DKK2: variants seen among roughly 807,000 people sequenced by gnomAD.
DKK2 encodes dickkopf Wnt signaling pathway inhibitor 2, also known as dickkopf-related protein 2.
Under a neutral mutation model 28.1 loss-of-function variants are expected in DKK2, and 11 were observed. That is an observed-to-expected ratio of 0.39 (90% CI 0.25 to 0.65). The LOEUF (loss-of-function observed/expected upper bound fraction) is 0.65, where lower values mean the gene tolerates loss of function less well. Among genes scored for constraint, DKK2 ranks in the 30% least tolerant of loss-of-function variants. DKK2 has a pLI of 0.47. For missense variants in DKK2, 326 were observed against 335.5 expected, an observed-to-expected ratio of 0.97 and a Z score of 0.22; for synonymous variants, 135 against 126.5, an observed-to-expected ratio of 1.07 and a Z score of -0.45.
At chr4:106,960,599 C>T (rs1011693357) in intron 1 of DKK2, among the ~76,000 whole-genome samples, 1 of 152,120 alleles carries the variant, frequency 6.6e-6, no homozygotes, top group Non-Finnish European at 1.5e-5. Context: ...AAAAAGATAT[C>T]CATTTTGTCA....
chr4:106,966,203 G>C lies in DKK2; in HGVS notation c.223-40254C>G, dbSNP rs78904478. 3.4e-3 allele frequency among the ~76,000 whole-genome samples: 517 copies of C among 152,284 alleles called. 1 individual carries two copies. Among genetic ancestry groups the C allele is most frequent in the Non-Finnish European group, 5.4e-3 (366 of 68,032 alleles). On this transcript the variant is annotated intron_variant, in intron 1 of 3. Transcript: ENST00000285311. ...GTAATAAGTCAGTGATAATTAATTT[G>C]TGCTCATGAGGTGTTTGAAATCATA...
intron 1 of DKK2, among the ~76,000 whole-genome samples, chr4:106,973,182 T>C (rs1344106498): frequency 6.6e-6 from 1 of 152,216 alleles, no homozygotes; most frequent in Admixed American, 6.5e-5. Flanking sequence ...CCATTGTGAA[T>C]AGTGCTGCAA....
In DKK2 at chr4:106,952,971, A is replaced by C. The variant is rs145074089; in HGVS notation, c.223-27022T>G. Among the ~76,000 whole-genome samples the C allele has an allele frequency of 2.0e-5, 3 of 152,332 alleles. No individual in the cohort carries two copies. In the East Asian group the frequency reaches 5.8e-4, roughly 29 times the overall value. ...GCTTATCAAAAATAATGCAAAACTT[A>C]AACAAAGTACTTTCAATGTATTTTT... On this transcript the variant is annotated intron_variant, in intron 1 of 3. Coordinates refer to ENST00000285311, the MANE Select transcript of DKK2 (RefSeq NM_014421.3).
chr4:107,016,026 C>T (rs934674836), intron 1 of DKK2, among the ~76,000 whole-genome samples: 2 of 151,702 alleles, frequency 1.3e-5, no homozygotes, highest in Non-Finnish European at 3.0e-5. Flanking sequence ...ATTGTCATAA[C>T]GCCTCTTGTG....
chr4:107,004,372 C>T (rs1723406245), intron 1 of DKK2, among the ~76,000 whole-genome samples: 1 of 152,210 alleles, frequency 6.6e-6, no homozygotes, highest in South Asian at 2.1e-4. Context: ...TATTGACAGA[C>T]CTATGTTAGG....
intron 1 of DKK2, among the ~76,000 whole-genome samples, chr4:106,936,644 A>T (rs1290069245): frequency 2.0e-5 from 3 of 152,230 alleles, no homozygotes; most frequent in African/African-American, 7.2e-5. Flanking sequence ...CGAGAAGAGC[A>T]ACTCCAAGAC....
chr4:106,964,999 A>AGATT (rs1452610839), intron 1 of DKK2, among the ~76,000 whole-genome samples: 6 of 149,820 alleles, frequency 4.0e-5, no homozygotes, highest in Non-Finnish European at 5.9e-5. Context: ...ATAGATAGAT[A>AGATT]GATAGATTGA....
chr4:107,000,568 T>G (rs929392969), intron 1 of DKK2, among the ~76,000 whole-genome samples: 2 of 152,206 alleles, frequency 1.3e-5, no homozygotes, highest in Admixed American at 1.3e-4. Context: ...GTCTGTTATA[T>G]ACTAATCATT....
intron 1 of DKK2, among the ~76,000 whole-genome samples, chr4:106,945,110 C>T (rs139095302): frequency 6.6e-6 from 1 of 152,164 alleles, no homozygotes; most frequent in African/African-American, 2.4e-5. Context: ...GTCTGATACA[C>T]ACTGATCAAA....
intron 1 of DKK2, among the ~76,000 whole-genome samples, chr4:106,962,917 T>A (rs978362442): frequency 6.6e-6 from 1 of 151,016 alleles, no homozygotes; most frequent in African/African-American, 2.4e-5. Flanking sequence ...AGAAAAAAAA[T>A]AAAATAAAAT....
Position 106,940,274 on chromosome 4 carries a change from T to C in DKK2, c.223-14325A>G, listed in dbSNP as rs1244462800. On this transcript the variant is annotated intron_variant, in intron 1 of 3. Coordinates refer to ENST00000285311, the MANE Select transcript of DKK2 (RefSeq NM_014421.3). ...AAACAAATTTACAAGAAAAAACAAA[T>C]AACCCCATCAAAAAGTGGGCAAAGG... 1.8e-4 allele frequency among the ~76,000 whole-genome samples: 27 copies of C among 151,872 alleles called. No individual in the cohort carries two copies. The East Asian group carries it at 4.9e-3, about 27-fold the overall frequency.
chr4:107,023,119 A>G (rs1723720384), intron 1 of DKK2, among the ~76,000 whole-genome samples: 1 of 152,100 alleles, frequency 6.6e-6, no homozygotes, highest in Non-Finnish European at 1.5e-5. Context: ...TTTTGCCACA[A>G]TAGTCTCCCT....
rs1723953769 is a variant in DKK2, at chr4:107,035,651, AG to A, written c.-61del. ...CCCGGAGGGGTGGGAATGCAAAGGG[AG>A]GGAGGACCCCAACACGGGGCCCCTC... On this transcript the variant is annotated 5_prime_UTR_variant, in exon 1 of 4. Coordinates refer to ENST00000285311, the MANE Select transcript of DKK2 (RefSeq NM_014421.3). The A allele has an allele frequency of 3.8e-6, 6 of 1,584,650 alleles. No individual in the cohort carries two copies. The South Asian group carries it at 6.7e-5, about 18-fold the overall frequency.
At chr4:106,997,864 C>CT in intron 1 of DKK2, among the ~76,000 whole-genome samples, 1 of 152,118 alleles carries the variant, frequency 6.6e-6, no homozygotes, top group Non-Finnish European at 1.5e-5. Flanking sequence ...TATTGCCCAC[C>CT]AAATTACAAC....
At chr4:106,944,710 T>C (rs1206689934) in intron 1 of DKK2, among the ~76,000 whole-genome samples, 1 of 152,090 alleles carries the variant, frequency 6.6e-6, no homozygotes, top group Non-Finnish European at 1.5e-5. Flanking sequence ...GGGATGTCAC[T>C]GTGCATTTGA....
At chr4:106,941,383 A>T (rs77528291) in intron 1 of DKK2, among the ~76,000 whole-genome samples, 2,751 of 152,262 alleles carry the variant, frequency 0.018, 40 homozygotes, top group Non-Finnish European at 0.031. Context: ...GTCCATTAGT[A>T]AGAGAAAGAA....
chr4:107,026,528 T>C (rs760227786), intron 1 of DKK2, among the ~76,000 whole-genome samples: 2 of 152,136 alleles, frequency 1.3e-5, no homozygotes, highest in Non-Finnish European at 2.9e-5. Flanking sequence ...AAAATGGAAG[T>C]ATATTTAAAC....
chr4:107,026,720 GA>G (rs1415523120), intron 1 of DKK2, among the ~76,000 whole-genome samples: 1 of 139,532 alleles, frequency 7.2e-6, no homozygotes, highest in Non-Finnish European at 1.6e-5. Context: ...ATAACTATGA[GA>G]AATCACGATT....
chr4:106,986,416 G>A (rs1024642965), intron 1 of DKK2, among the ~76,000 whole-genome samples: 1 of 152,100 alleles, frequency 6.6e-6, no homozygotes, highest in African/African-American at 2.4e-5. Context: ...TGAAGTGAAA[G>A]CAGAAGTTAA....
Sources: gnomAD v4.1 joint callset for allele counts (sites outside exome capture counted in the v4.1 genomes callset) on GRCh38, gnomAD v4.1.1 for gene constraint, MANE v1.5 for transcripts, NCBI Gene and HGNC (gene_info 2026-07-23, HGNC 2026-07-21) for gene names.